SMARCA2: variants seen among roughly 807,000 people sequenced by gnomAD.
The protein encoded by SMARCA2 is SWI/SNF related BAF chromatin remodeling complex subunit ATPase 2, also known as SWI/SNF-related matrix-associated actin-dependent regulator of chromatin subfamily A member 2.
A neutral mutation model predicts 199.8 loss-of-function variants in SMARCA2; 61 were observed. The ratio of observed to expected loss-of-function variants is 0.31; its 90% CI spans 0.25 to 0.38. SMARCA2 has a LOEUF of 0.38. Among genes scored for constraint, SMARCA2 ranks in the 10% least tolerant of loss-of-function variants. SMARCA2 has a pLI of 1.00. For synonymous variants in SMARCA2, 935 were observed against 732.0 expected, an observed-to-expected ratio of 1.28 and a Z score of -4.48; for missense variants, 1,344 against 2,012.2, an observed-to-expected ratio of 0.67 and a Z score of 6.35.
chr9:2,078,471 A>G (rs1586681057), intron 14 of SMARCA2, among the ~76,000 whole-genome samples: 1 of 151,428 alleles, frequency 6.6e-6, no homozygotes, highest in East Asian at 1.9e-4. Context: ...AACTCCATCT[A>G]CAAAAAAAAA....
intron 11 of SMARCA2, 22 bp from the exon 12 acceptor site, chr9:2,073,544 C>A (rs749223076): frequency 6.2e-7 from 1 of 1,601,480 alleles, no homozygotes; most frequent in East Asian, 2.2e-5. Flanking sequence ...GCCCCCTCCT[C>A]TTCCTCACTC....
At chr9:2,045,782 T>C (rs948424646) in intron 4 of SMARCA2, 1 of 150,750 alleles carries the variant, frequency 6.6e-6, no homozygotes, top group Non-Finnish European at 1.5e-5. Flanking sequence ...TAGGAAATGT[T>C]TTACCTAATT....
chr9:2,160,024 G>T, intron 27 of SMARCA2: 2 of 1,419,878 alleles, frequency 1.4e-6, no homozygotes, highest in Non-Finnish European at 1.9e-6. Context: ...GTGCAACTGG[G>T]TGCTTGAGGA....
At chr9:2,084,405 T>TGG (rs1346499400) in intron 17 of SMARCA2, among the ~76,000 whole-genome samples, 1 of 151,404 alleles carries the variant, frequency 6.6e-6, no homozygotes, top group African/African-American at 2.4e-5. Flanking sequence ...TGTGTGTGTG[T>TGG]GTGTGTGTGT....
intron 14 of SMARCA2, among the ~76,000 whole-genome samples, chr9:2,078,385 T>G (rs1461594009): frequency 6.6e-6 from 1 of 151,856 alleles, no homozygotes; most frequent in Non-Finnish European, 1.5e-5. Flanking sequence ...AGCAGGAGAA[T>G]CGCTTGAGCT....
In SMARCA2 at chr9:2,138,639, AG is replaced by A. The variant is rs1824320478; in HGVS notation, c.3981+14705del. ...AGATGGGCTCAGGTGTCAGATGATC[AG>A]GGTTCTGCTTGCAGATTTGTCACTG... On this transcript the variant is annotated intron_variant, in intron 27 of 33. Transcript: ENST00000349721. 2.0e-5 allele frequency among the ~76,000 whole-genome samples: 3 copies of A among 152,316 alleles called. No homozygotes were observed. The South Asian group carries it at 6.2e-4, about 32-fold the overall frequency.
At chr9:2,015,942 A>C (rs1385893392) in intron 1 of SMARCA2, 1 of 152,314 alleles carries the variant, frequency 6.6e-6, no homozygotes, top group Non-Finnish European at 1.5e-5. Flanking sequence ...CATCCCGGGC[A>C]ACCCTCCCCG....
intron 28 of SMARCA2, among the ~76,000 whole-genome samples, chr9:2,167,361 C>G (rs1189406381): frequency 6.6e-6 from 1 of 152,252 alleles, no homozygotes; most frequent in Non-Finnish European, 1.5e-5. Flanking sequence ...GTGTCATCAC[C>G]TCCTCCCTCT....
At chr9:2,156,414 C>CCTT (rs1825363083) in intron 27 of SMARCA2, among the ~76,000 whole-genome samples, 2 of 69,148 alleles carry the variant, frequency 2.9e-5, no homozygotes, top group South Asian at 1.1e-3. Context: ...CCATTTTAGA[C>CCTT]TTTTTTTTTT....
chr9:2,142,244 A>T (rs759110515), intron 27 of SMARCA2, among the ~76,000 whole-genome samples: 3 of 152,214 alleles, frequency 2.0e-5, no homozygotes, highest in Admixed American at 1.3e-4. Flanking sequence ...ATGACATCAA[A>T]TTTAAAGTTT....
At chr9:2,038,674 T>C (rs150638595) in intron 3 of SMARCA2, among the ~76,000 whole-genome samples, 5 of 152,160 alleles carry the variant, frequency 3.3e-5, no homozygotes, top group Admixed American at 3.3e-4. Context: ...ACCCCCCCTT[T>C]ACTGGCTGCC....
At chr9:2,064,446 T>G (rs1254946564) in intron 9 of SMARCA2, among the ~76,000 whole-genome samples, 1 of 152,208 alleles carries the variant, frequency 6.6e-6, no homozygotes, top group Non-Finnish European at 1.5e-5. Flanking sequence ...TAGTAAGTGC[T>G]CAGTAAACAT....
At chr9:2,108,957 A>G (rs1005704673) in intron 23 of SMARCA2, among the ~76,000 whole-genome samples, 25 of 152,218 alleles carry the variant, frequency 1.6e-4, no homozygotes, top group Admixed American at 6.5e-4. Flanking sequence ...TGACTCAATG[A>G]GAGCCCCCAG....
chr9:2,155,999 C>G (rs995470203), intron 27 of SMARCA2, among the ~76,000 whole-genome samples: 2 of 152,098 alleles, frequency 1.3e-5, no homozygotes, highest in African/African-American at 4.8e-5. Flanking sequence ...AAAACTATAT[C>G]CAAAAAAGTC....
At chr9:2,101,046 G>C (rs1461536660) in intron 21 of SMARCA2, among the ~76,000 whole-genome samples, 1 of 152,082 alleles carries the variant, frequency 6.6e-6, no homozygotes, top group Admixed American at 6.5e-5. Context: ...CGGCATGAGG[G>C]AAACCTTCCT....
intron 4 of SMARCA2, chr9:2,041,507 C>A (rs1819601383): frequency 5.0e-6 from 2 of 398,076 alleles, no homozygotes; most frequent in Non-Finnish European, 8.9e-6. Context: ...GAGGACTCTA[C>A]TCTCATGAAA....
chr9:2,177,337 G>A (rs1826678985), intron 29 of SMARCA2, among the ~76,000 whole-genome samples: 1 of 152,114 alleles, frequency 6.6e-6, no homozygotes, highest in Non-Finnish European at 1.5e-5. Flanking sequence ...TCTAATTGAA[G>A]TAAGATAGTC....
intron 27 of SMARCA2, among the ~76,000 whole-genome samples, chr9:2,128,266 T>G (rs1320858411): frequency 6.6e-6 from 1 of 152,240 alleles, no homozygotes; most frequent in African/African-American, 2.4e-5. Context: ...GCTCCTTTCC[T>G]GGGAGGTCTT....
intron 29 of SMARCA2, among the ~76,000 whole-genome samples, chr9:2,171,409 T>C (rs973187665): frequency 6.6e-6 from 1 of 152,232 alleles, no homozygotes; most frequent in Non-Finnish European, 1.5e-5. Context: ...CACAGATCAC[T>C]GGTTGTGGTA....
Sources: gnomAD v4.1 joint callset for allele counts (sites outside exome capture counted in the v4.1 genomes callset) on GRCh38, gnomAD v4.1.1 for gene constraint, MANE v1.5 for transcripts, NCBI Gene and HGNC (gene_info 2026-07-23, HGNC 2026-07-21) for gene names.